Variants in ZBTB7A observed in about 807,000 individuals in gnomAD.
ZBTB7A encodes zinc finger and BTB domain-containing protein 7A.
Under a neutral mutation model 26.7 loss-of-function variants are expected in ZBTB7A, and 7 were observed. The observed-to-expected ratio is 0.26, with a 90% CI of 0.15 to 0.49. The LOEUF is 0.49. ZBTB7A is among the 20% of genes least tolerant of loss of function. ZBTB7A has a pLI of 0.98. For synonymous variants in ZBTB7A, 452 were observed against 441.0 expected, an observed-to-expected ratio of 1.02 and a Z score of -0.31; for missense variants, 617 against 919.5, an observed-to-expected ratio of 0.67 and a Z score of 4.25.
chr19:4,044,428 G>A lies in ZBTB7A; in HGVS notation c.*3324C>T, dbSNP rs1385194328. 1.3e-5 allele frequency: 2 copies of A among 150,406 alleles called. No individual in the cohort carries two copies. The highest frequency in any genetic ancestry group is 1.3e-4 in the Admixed American group (2 of 15,168). The allele number at this position is 150,406 out of a possible 1,614,324, so 9.3% of individuals were successfully genotyped here. Reference sequence around the variant, plus strand: ...TCTCAAAAGGCGGGGGGCGTCGGGGGGCAGAGGCAGGTAGCAGCAACAGCT... The same window carrying A: ...TCTCAAAAGGCGGGGGGCGTCGGGGAGCAGAGGCAGGTAGCAGCAACAGCT... On this transcript the variant is annotated 3_prime_UTR_variant, in exon 3 of 3. Coordinates refer to ENST00000322357, the MANE Select transcript of ZBTB7A (RefSeq NM_015898.4).
At chr19:4,051,608 C>T (rs2040504831) in intron 2 of ZBTB7A, among the ~76,000 whole-genome samples, 1 of 152,252 alleles carries the variant, frequency 6.6e-6, no homozygotes, top group Non-Finnish European at 1.5e-5. Context: ...AACTTGCTAA[C>T]AGAACCCTGG....
intron 1 of ZBTB7A, chr19:4,065,518 G>C (rs2040686733): frequency 6.8e-6 from 1 of 146,144 alleles, no homozygotes; most frequent in Non-Finnish European, 1.5e-5. Flanking sequence ...CGAGGGGCCG[G>C]GAGGCGGCAG....
At chr19:4,057,634 A>G (rs2040594080) in intron 1 of ZBTB7A, among the ~76,000 whole-genome samples, 1 of 151,728 alleles carries the variant, frequency 6.6e-6, no homozygotes. Flanking sequence ...ACAAAAAATT[A>G]GCTGGGCCTG....
chr19:4,063,104 GGT>G (rs1341450754), intron 1 of ZBTB7A, among the ~76,000 whole-genome samples: 2 of 152,114 alleles, frequency 1.3e-5, no homozygotes, highest in African/African-American at 4.8e-5. Context: ...TGGGGGTGCA[GGT>G]GTCTCACGCA....
rs1459384183 is a variant in ZBTB7A, at chr19:4,052,227, G to A, written c.1262+1744C>T. ...GGCCTGCGGCCAGGGAGGCAGGGTG[G>A]GGGTCACCACCTTCGCTCAGCCTGG... On this transcript the variant is annotated intron_variant, in intron 2 of 2. Coordinates refer to ENST00000322357, the MANE Select transcript of ZBTB7A (RefSeq NM_015898.4). The surrounding 1 kb of genome is among the most constrained non-coding windows in gnomAD (Gnocchi z 4.9). Among the ~76,000 whole-genome samples the A allele has an allele frequency of 1.3e-5, 2 of 152,142 alleles. No homozygotes were observed. The highest frequency in any genetic ancestry group is 4.8e-5 in the African/African-American group (2 of 41,438).
At position 4,048,095 on chromosome 19, in the gene ZBTB7A, C is replaced by T. The variant is rs2040447328; in HGVS notation, c.1412G>A (p.Cys471Tyr). ...GTCGGAGCGGACGAAGGTCTTGCAG[C>T]AGCTGTCGCACTGGTAGGGGCGCAG... Reference protein sequence around the residue: ...TGLRPYQCDSCCKTFVRSDHL... With the variant: ...TGLRPYQCDSYCKTFVRSDHL... Residue 471 changes from cysteine (C) to tyrosine (Y), a missense_variant, in exon 3 of 3, where the codon TGC (cysteine) becomes TAC (tyrosine). Physicochemically the swap from Cys to Tyr is radical, Grantham distance 194 (BLOSUM62 -2). Coordinates refer to ENST00000322357, the MANE Select transcript of ZBTB7A (RefSeq NM_015898.4). This position sits in a 1 kb window ranked among gnomAD's most constrained non-coding sequence, Gnocchi z 6.7. 6.2e-7 allele frequency: 1 copy of T among 1,609,840 alleles called. No individual in the cohort carries two copies. The highest frequency in any genetic ancestry group is 1.3e-5 in the African/African-American group (1 of 74,656).
At position 4,055,188 on chromosome 19, in the gene ZBTB7A, G is replaced by C; in HGVS notation, c.45C>G (p.Asp15Glu). The change falls in exon 2 of 3, where the codon GAC (aspartate) becomes GAG (glutamate). Residue 15 changes from aspartate to glutamate, a missense_variant. By Grantham distance (45) the Asp-to-Glu change is conservative. Around this residue, in one of 5 missense-constraint regions of ZBTB7A, gnomAD observed 82 missense variants for 195.2 expected, o/e 0.42. Coordinates refer to ENST00000322357, the MANE Select transcript of ZBTB7A (RefSeq NM_015898.4). Reference protein sequence around the residue: ...VDGPIGIPFPDHSSDILSGLN... With the variant: ...VDGPIGIPFPEHSSDILSGLN... Reference sequence around the variant, plus strand: ...GCCCACTCAGGATGTCGCTGCTGTGGTCGGGGAACGGGATCCCGATGGGGC... The same window carrying C: ...GCCCACTCAGGATGTCGCTGCTGTGCTCGGGGAACGGGATCCCGATGGGGC... 6.3e-7 allele frequency: 1 copy of C among 1,584,136 alleles called. No individual in the cohort carries two copies. Among genetic ancestry groups the C allele is most frequent in the Non-Finnish European group, 8.6e-7 (1 of 1,164,680 alleles).
At position 4,056,861 on chromosome 19, in the gene ZBTB7A, C is replaced by T. The variant is rs147374803; in HGVS notation, c.-15-1614G>A. 3.8e-3 allele frequency among the ~76,000 whole-genome samples: 569 copies of T among 150,392 alleles called. 4 individuals are homozygous for T. The highest frequency in any genetic ancestry group is 0.013 in the African/African-American group (551 of 40,978). On this transcript the variant is annotated intron_variant, in intron 1 of 2. Transcript: ENST00000322357. The stretch of plus-strand genomic sequence containing the variant: ...CTGCCTGGGCCACAGAGCGAGACTC[C>T]GTCTTAAAAAAAAAAATCAGCCAGG...
chr19:4,056,640 C>A (rs1027423813), intron 1 of ZBTB7A, among the ~76,000 whole-genome samples: 1 of 152,062 alleles, frequency 6.6e-6, no homozygotes, highest in Non-Finnish European at 1.5e-5. Flanking sequence ...GAGGCCGAGG[C>A]GGGCAGATCA....
chr19:4,053,443 C>A (rs1220395637), intron 2 of ZBTB7A, among the ~76,000 whole-genome samples: 1 of 151,764 alleles, frequency 6.6e-6, no homozygotes, highest in Non-Finnish European at 1.5e-5. Flanking sequence ...ATGTACGTGT[C>A]TGTGTGCATG....
intron 1 of ZBTB7A, chr19:4,061,482 G>C (rs2040637283): frequency 6.6e-6 from 1 of 152,274 alleles, no homozygotes; most frequent in African/African-American, 2.4e-5. Context: ...GGTTTAATGG[G>C]ACAGGAATGC....
At chr19:4,059,212 C>T (rs1469622580) in intron 1 of ZBTB7A, among the ~76,000 whole-genome samples, 1 of 152,222 alleles carries the variant, frequency 6.6e-6, no homozygotes, top group Non-Finnish European at 1.5e-5. Flanking sequence ...AGATGGCTAT[C>T]CCTGGCCTGC....
At position 4,048,283 on chromosome 19, in the gene ZBTB7A, C is replaced by G; in HGVS notation, c.1263-39G>C. On this transcript the variant is annotated intron_variant, in intron 2 of 2. Transcript: ENST00000322357. This position sits in a 1 kb window ranked among gnomAD's most constrained non-coding sequence, Gnocchi z 6.7. ...ACGGGGCGGGCACGGTCAGTGGGGCCGGGGACCCCCGATCCCCGCCCAGGG... is the reference window on the plus strand; with the variant it reads ...ACGGGGCGGGCACGGTCAGTGGGGCGGGGGACCCCCGATCCCCGCCCAGGG... 6.6e-7 allele frequency: 1 copy of G among 1,524,124 alleles called. No homozygotes were observed. Among genetic ancestry groups the G allele is most frequent in the Non-Finnish European group, 8.7e-7 (1 of 1,145,534 alleles). 94.4% of individuals were successfully genotyped at this position (1,524,124 alleles called of 1,614,324 possible). A position where few individuals can be genotyped will look rare whatever the true frequency, so the allele number is the denominator to read the frequency against.
At chr19:4,050,172 G>T (rs1599250535) in intron 2 of ZBTB7A, among the ~76,000 whole-genome samples, 1 of 152,058 alleles carries the variant, frequency 6.6e-6, no homozygotes, top group Non-Finnish European at 1.5e-5. Flanking sequence ...TGATCCACCC[G>T]CCTCGGCCTC....
chr19:4,065,579 G>C (rs2040687373), intron 1 of ZBTB7A: 1 of 145,604 alleles, frequency 6.9e-6, no homozygotes, highest in South Asian at 2.1e-4. Flanking sequence ...TCCCCACCCG[G>C]GCTGGGGGGA....
In ZBTB7A at chr19:4,045,094, G is replaced by C. The variant is rs951658734; in HGVS notation, c.*2658C>G. On this transcript the variant is annotated 3_prime_UTR_variant, in exon 3 of 3. Coordinates refer to ENST00000322357, the MANE Select transcript of ZBTB7A (RefSeq NM_015898.4). The surrounding 1 kb of genome is among the most constrained non-coding windows in gnomAD (Gnocchi z 4.1). ...AGCTGAGTGCGGAGCTAGGAACGAG[G>C]GTTTAGTGCAATCCCCGAGGTCTGT... The C allele has an allele frequency of 6.6e-6, 1 of 152,196 alleles. No individual in the cohort carries two copies. 9.4% of individuals were successfully genotyped at this position (152,196 alleles called of 1,614,324 possible).
rs2040411779 is a variant in ZBTB7A, at chr19:4,046,005, G to A, written c.*1747C>T. Reference sequence around the variant, plus strand: ...CAAGGTCCAGCTCCTTGGTGGCCATGCGGGAGGGACAGGCGTGTTGGGGGA... The same window carrying A: ...CAAGGTCCAGCTCCTTGGTGGCCATACGGGAGGGACAGGCGTGTTGGGGGA... On this transcript the variant is annotated 3_prime_UTR_variant, in exon 3 of 3. Transcript: ENST00000322357. 1.5e-5 allele frequency: 6 copies of A among 398,918 alleles called. No homozygotes were observed. Among genetic ancestry groups the A allele is most frequent in the African/African-American group, 2.1e-5 (1 of 48,620 alleles). The allele number at this position is 398,918 out of a possible 1,614,324, so 24.7% of individuals were successfully genotyped here.
chr19:4,063,429 A>G (rs1380889177), intron 1 of ZBTB7A, among the ~76,000 whole-genome samples: 4 of 152,122 alleles, frequency 2.6e-5, no homozygotes, highest in Admixed American at 2.6e-4. Context: ...GCCTCTGAGG[A>G]CCAAGGTGAG....
rs185343277 is a variant in ZBTB7A at position 4,044,050 on chromosome 19, C to T, written c.*3702G>A. ...GGTTGCCGGGCGGGAGGGGGCACCCCGAGGCCCCTGCCTCAGTGTCACCAC... is the reference window on the plus strand; with the variant it reads ...GGTTGCCGGGCGGGAGGGGGCACCCTGAGGCCCCTGCCTCAGTGTCACCAC... On this transcript the variant is annotated 3_prime_UTR_variant, in exon 3 of 3. Transcript: ENST00000322357. Among the ~76,000 whole-genome samples the T allele has an allele frequency of 1.2e-3, 175 of 152,086 alleles. 1 individual carries two copies. Among genetic ancestry groups the T allele is most frequent in the Non-Finnish European group, 2.0e-3 (135 of 67,932 alleles).
Sources: gnomAD v4.1 joint callset for allele counts (sites outside exome capture counted in the v4.1 genomes callset) on GRCh38, gnomAD v4.1.1 for gene constraint, gnomAD v4.1.1 regional missense constraint, Gnocchi (gnomAD v3.1) non-coding constraint, MANE v1.5 for transcripts, NCBI Gene and HGNC (gene_info 2026-07-23, HGNC 2026-07-21) for gene names.